MAP4K1: variants seen among roughly 807,000 people sequenced by gnomAD.
MAP4K1 encodes MAPK/ERK kinase kinase kinase 1.
Under a neutral mutation model 122.8 loss-of-function variants are expected in MAP4K1, and 35 were observed. The observed-to-expected ratio is 0.29, with a 90% confidence interval of 0.22 to 0.38. The LOEUF (loss-of-function observed/expected upper bound fraction) is 0.38. Ranked by LOEUF, MAP4K1 falls within the 10% of genes least tolerant of loss-of-function variation. The pLI is 1.00. For synonymous variants in MAP4K1, 412 were observed against 421.3 expected (o/e 0.98, Z 0.27); for missense variants, 791 against 1,072.6 (o/e 0.74, Z 3.67).
chr19:38,593,246 C>A (rs1468533134), intron 30 of MAP4K1, 36 bp downstream of exon 30: 1 of 1,596,606 alleles, frequency 6.3e-7, no homozygotes. Flanking sequence ...CAGAAGCCCC[C>A]TCCCAGGTCC....
At chr19:38,590,394 A>AAAAATATAT (rs1974685413) in intron 30 of MAP4K1, among the ~76,000 whole-genome samples, 1 of 17,310 alleles carries the variant, frequency 5.8e-5, no homozygotes, top group African/African-American at 2.0e-4. Flanking sequence ...AAAAAAAAAA[A>AAAAATATAT]ATATATATAT....
intron 16 of MAP4K1, 95 bp downstream of exon 16, chr19:38,607,769 C>CG (rs1975372315): frequency 1.5e-6 from 2 of 1,321,738 alleles, no homozygotes; most frequent in Admixed American, 3.9e-5. Context: ...AGGGGTGCAG[C>CG]GGGGTCAGGA....
chr19:38,617,289 T>C lies in MAP4K1; in HGVS notation c.248+65A>G. 9.4e-7 allele frequency: 1 copy of C among 1,067,526 alleles called. No homozygotes were observed. Among genetic ancestry groups the C allele is most frequent in the Non-Finnish European group, 1.5e-6 (1 of 683,220 alleles). The allele number at this position is 1,067,526 out of a possible 1,614,324, so 66.1% of individuals were successfully genotyped here. ...AAAAAAAGAACTGAGGGTACCCCCA[T>C]CAAGAAATGGGGACTCCGGGTTAGG... On this transcript the variant is annotated intron_variant, in intron 3 of 30. Transcript: ENST00000396857. The surrounding 1 kb of genome is among the most constrained non-coding windows in gnomAD (Gnocchi z 4.1).
intron 13 of MAP4K1, among the ~76,000 whole-genome samples, chr19:38,608,837 C>A (rs2144733001): frequency 1.6e-5 from 2 of 127,852 alleles, no homozygotes; most frequent in South Asian, 5.6e-4. Flanking sequence ...AAACATTAGC[C>A]ACGCGTGGTG....
chr19:38,591,673 A>G (rs1599687065), intron 30 of MAP4K1, among the ~76,000 whole-genome samples: 1 of 152,108 alleles, frequency 6.6e-6, no homozygotes, highest in Admixed American at 6.6e-5. Flanking sequence ...AAAATCTAAA[A>G]TAAAAATGCA....
intron 27 of MAP4K1, 80 bp from the exon 28 acceptor site, chr19:38,595,809 G>T: frequency 6.7e-7 from 1 of 1,491,136 alleles, no homozygotes; most frequent in South Asian, 1.2e-5. Context: ...AATTCAGTGT[G>T]AAAGCTATGT....
intron 20 of MAP4K1, among the ~76,000 whole-genome samples, chr19:38,600,892 G>A (rs1211682934): frequency 7.2e-6 from 1 of 139,440 alleles, no homozygotes; most frequent in African/African-American, 2.7e-5. Flanking sequence ...TGCAACTTCC[G>A]CCCCCTGGAT....
At chr19:38,596,586 T>A in intron 25 of MAP4K1, 100 bp from the exon 26 acceptor site, 1 of 1,025,268 alleles carries the variant, frequency 9.8e-7, no homozygotes, top group Non-Finnish European at 1.4e-6. Flanking sequence ...ACCAGGGCCC[T>A]AAGTCTTGGG....
Position 38,596,322 on chromosome 19 carries a change from CT to C in MAP4K1, c.2105del (p.Glu702GlyfsTer2). 1 of 1,583,022 alleles carries C rather than the reference CT, an allele frequency of 6.3e-7. No individual in the cohort carries two copies. The highest frequency in any genetic ancestry group is 2.3e-5 in the East Asian group (1 of 43,924). ...CTCCGCCCCACTCACCGGTGCTCATCTCGCCCAGCCAGCAAGAGAGCGCGCC... is the reference window on the plus strand; with the variant it reads ...CTCCGCCCCACTCACCGGTGCTCATCCGCCCAGCCAGCAAGAGAGCGCGCC... Reference protein sequence around the residue: ...RFGALSCWLGEMSTEHRGPVQ... With the variant: ...RFGALSCWLGXMSTEHRGPVQ... On this transcript the variant is annotated frameshift_variant, in exon 26 of 31. Coordinates refer to ENST00000396857, the MANE Select transcript of MAP4K1 (RefSeq NM_001042600.3). LOFTEE classifies it high-confidence loss of function.
At position 38,596,314 on chromosome 19, in the gene MAP4K1, GT is replaced by G; in HGVS notation, c.2113del (p.Thr705ProfsTer9). ...CAGCAAGACTCCGCCCCACTCACCG[GT>G]GCTCATCTCGCCCAGCCAGCAAGAG... ...ALSCWLGEMSTEHRGPVQVTQ... is the reference protein window; with the variant it reads ...ALSCWLGEMSXEHRGPVQVTQ... On this transcript the variant is annotated frameshift_variant, in exon 26 of 31. Coordinates refer to ENST00000396857, the MANE Select transcript of MAP4K1 (RefSeq NM_001042600.3). LOFTEE classifies it high-confidence loss of function. The G allele has an allele frequency of 6.4e-7, 1 of 1,572,710 alleles. No homozygotes were observed.
At chr19:38,604,921 T>C (rs1975278919) in intron 19 of MAP4K1, among the ~76,000 whole-genome samples, 1 of 151,274 alleles carries the variant, frequency 6.6e-6, no homozygotes, top group Non-Finnish European at 1.5e-5. Flanking sequence ...ACCCCACCTC[T>C]ACTAAAAATA....
Position 38,597,889 on chromosome 19 carries a change from TGAA to T in MAP4K1, c.1670-298_1670-296del, listed in dbSNP as rs1215416759. ...AACTCTGGACACATAACCAGTCAGA[TGAA>T]GTTACACATCTTACAAAGTTTTAGA... On this transcript the variant is annotated intron_variant, in intron 22 of 30. Coordinates refer to ENST00000396857, the MANE Select transcript of MAP4K1 (RefSeq NM_001042600.3). The surrounding 1 kb of genome is among the most constrained non-coding windows in gnomAD (Gnocchi z 4.6). Among the ~76,000 whole-genome samples the T allele has an allele frequency of 1.3e-5, 2 of 152,166 alleles. No homozygotes were observed. The highest frequency in any genetic ancestry group is 2.9e-5 in the Non-Finnish European group (2 of 68,042).
Position 38,601,483 on chromosome 19 carries a change from G to A in MAP4K1, c.1489C>T (p.Arg497Trp), listed in dbSNP as rs754393476. ...GTCCAGGCGGCCGTGCTGTGGATCC[G>A]GAGGGGGCAGCCATTGAACAACTTT... ...LVKLFNGCPL[R>W]IHSTAAWTHP... Residue 497 changes from arginine to tryptophan, a missense_variant, in exon 20 of 31, where the codon CGG becomes TGG. Around this residue, in one of 4 missense-constraint regions of MAP4K1, gnomAD observed 58 missense variants for 118.7 expected, o/e 0.49. Transcript: ENST00000396857. The A allele has an allele frequency of 1.9e-5, 31 of 1,610,060 alleles. No individual in the cohort carries two copies. The highest frequency in any genetic ancestry group is 2.5e-5 in the Non-Finnish European group (29 of 1,178,548).
chr19:38,600,196 G>A, intron 20 of MAP4K1, 43 bp from the exon 21 acceptor site: 1 of 1,563,788 alleles, frequency 6.4e-7, no homozygotes. Flanking sequence ...TTCATCCTCA[G>A]GGACCTCCCA....
At chr19:38,596,541 G>T (rs1391663717) in intron 25 of MAP4K1, 55 bp from the exon 26 acceptor site, 5 of 1,406,672 alleles carry the variant, frequency 3.6e-6, no homozygotes, top group Non-Finnish European at 4.7e-6. Flanking sequence ...CGGGGCCTCA[G>T]GGGGCGTGGC....
intron 11 of MAP4K1, among the ~76,000 whole-genome samples, chr19:38,610,679 C>G (rs1184808790): frequency 6.6e-6 from 1 of 152,100 alleles, no homozygotes; most frequent in Non-Finnish European, 1.5e-5. Flanking sequence ...AGCCACCATG[C>G]CCAGCCGACC....
chr19:38,608,175 G>T lies in MAP4K1; in HGVS notation c.1007-5C>A. 1 of 1,508,314 alleles carries T rather than the reference G, an allele frequency of 6.6e-7. No individual in the cohort carries two copies. Among genetic ancestry groups the T allele is most frequent in the Non-Finnish European group, 8.9e-7 (1 of 1,127,910 alleles). The allele number at this position is 1,508,314 out of a possible 1,614,324, so 93.4% of individuals were successfully genotyped here. ...TCCTGAACTCCATGTGCCGCCCTAGGGTGGGTGGGGGAAGATAACCTGCTG... is the reference window on the plus strand; with the variant it reads ...TCCTGAACTCCATGTGCCGCCCTAGTGTGGGTGGGGGAAGATAACCTGCTG... On this transcript the variant is annotated splice_polypyrimidine_tract_variant and splice_region_variant and intron_variant, in intron 13 of 30. Coordinates refer to ENST00000396857, the MANE Select transcript of MAP4K1 (RefSeq NM_001042600.3).
intron 19 of MAP4K1, 199 bp from the exon 20 acceptor site, chr19:38,601,724 T>TG: frequency 1.8e-6 from 1 of 554,612 alleles, no homozygotes; most frequent in South Asian, 2.2e-5. Context: ...TTTGTTTTTT[T>TG]TTGTTGTTGT....
At position 38,597,417 on chromosome 19, in the gene MAP4K1, ACAG is replaced by A; in HGVS notation, c.1779-36_1779-34del. 3 of 1,613,580 alleles carry A rather than the reference ACAG, an allele frequency of 1.9e-6. No homozygotes were observed. The highest frequency in any genetic ancestry group is 2.5e-6 in the Non-Finnish European group (3 of 1,179,570). ...ATAGGTAGGTGTGAAGGGGGGTAGGACAGCAGGAGGCAGAGGGGCATGGGAGGA... is the reference window on the plus strand; with the variant it reads ...ATAGGTAGGTGTGAAGGGGGGTAGGACAGGAGGCAGAGGGGCATGGGAGGA... On this transcript the variant is annotated intron_variant, in intron 23 of 30. Transcript: ENST00000396857. The surrounding 1 kb of genome is among the most constrained non-coding windows in gnomAD (Gnocchi z 4.6).
Sources: gnomAD v4.1 joint callset for allele counts (sites outside exome capture counted in the v4.1 genomes callset) on GRCh38, gnomAD v4.1.1 for gene constraint, gnomAD v4.1.1 regional missense constraint, Gnocchi (gnomAD v3.1) non-coding constraint, MANE v1.5 for transcripts, NCBI Gene and HGNC (gene_info 2026-07-23, HGNC 2026-07-21) for gene names.